TENM3: variants seen among roughly 807,000 people sequenced by gnomAD.
TENM3 encodes teneurin transmembrane protein 3, also known as teneurin-3.
Under a neutral mutation model 255.1 loss-of-function variants are expected in TENM3, and 63 were observed. The observed-to-expected ratio is 0.25, with a 90% CI of 0.20 to 0.30. The LOEUF (loss-of-function observed/expected upper bound fraction) is 0.30. TENM3 is among the 10% of genes least tolerant of loss of function. The pLI is 1.00. For synonymous variants in TENM3, 1,306 were observed against 1,322.3 expected (o/e 0.99, Z 0.27); for missense variants, 2,929 against 3,461.1 (o/e 0.85, Z 3.86).
chr4:182,640,583 T>G (rs1752217489), intron 5 of TENM3, among the ~76,000 whole-genome samples: 1 of 152,222 alleles, frequency 6.6e-6, no homozygotes, highest in Admixed American at 6.5e-5. Flanking sequence ...TCAAATACAT[T>G]CTTCATGATC....
At chr4:181,564,639 C>A in the TENM3 span, among the ~76,000 whole-genome samples, 3 of 152,114 alleles carry the variant, frequency 2.0e-5, no homozygotes, top group Non-Finnish European at 4.4e-5. Flanking sequence ...ATCCTCCTTC[C>A]TCCTCCCCCA....
the TENM3 span, among the ~76,000 whole-genome samples, chr4:181,782,630 CTCTGA>C: frequency 6.6e-6 from 1 of 152,024 alleles, no homozygotes; most frequent in Non-Finnish European, 1.5e-5. Flanking sequence ...TTCAGTTCTT[CTCTGA>C]TCTTAGTTAT....
At chr4:182,079,333 G>A in the TENM3 span, among the ~76,000 whole-genome samples, 14 of 152,154 alleles carry the variant, frequency 9.2e-5, no homozygotes, top group South Asian at 2.7e-3. Flanking sequence ...TGGCTAACAC[G>A]GTGAAACCCT....
the TENM3 span, among the ~76,000 whole-genome samples, chr4:181,810,476 T>C: frequency 6.6e-6 from 1 of 151,932 alleles, no homozygotes; most frequent in East Asian, 1.9e-4. Flanking sequence ...GAATTTCTGC[T>C]TGGGGGGTAG....
At chr4:181,629,313 T>C in the TENM3 span, among the ~76,000 whole-genome samples, 2 of 152,310 alleles carry the variant, frequency 1.3e-5, no homozygotes, top group Non-Finnish European at 2.9e-5. Flanking sequence ...CTTTTCCTAA[T>C]TGAATACCCT....
intron 3 of TENM3, among the ~76,000 whole-genome samples, chr4:182,379,001 G>A (rs1767383358): frequency 1.3e-5 from 2 of 152,138 alleles, no homozygotes; most frequent in Non-Finnish European, 2.9e-5. Flanking sequence ...ACAGGCATTG[G>A]GTAGTTCTAA....
the TENM3 span, among the ~76,000 whole-genome samples, chr4:181,727,010 C>T: frequency 3.3e-5 from 5 of 152,224 alleles, no homozygotes; most frequent in East Asian, 1.9e-4. Context: ...GAGAGGTATG[C>T]GGGGAGGGAC....
At position 182,244,109 on chromosome 4, in the gene TENM3, A is replaced by G. The variant is rs868292740; in HGVS notation, c.-76+633A>G. On this transcript the variant is annotated intron_variant, in intron 1 of 27. Coordinates refer to ENST00000511685, the MANE Select transcript of TENM3 (RefSeq NM_001080477.4). ...GCTGGGACTACAGGCGCCCGCCACC[A>G]CGCCCGGCTAATTTTTTGTATTTTT... is the stretch of plus-strand genomic sequence containing the variant. Among the ~76,000 whole-genome samples the G allele has an allele frequency of 6.6e-5, 10 of 150,726 alleles. No individual in the cohort carries two copies. In the East Asian group the frequency reaches 9.8e-4, roughly 15 times the overall value.
chr4:181,456,093 ATATG>A, the TENM3 span, among the ~76,000 whole-genome samples: 23 of 85,030 alleles, frequency 2.7e-4, no homozygotes, highest in African/African-American at 1.1e-3. Context: ...CTTGGTAAAT[ATATG>A]TGTGTGTGTG....
the TENM3 span, among the ~76,000 whole-genome samples, chr4:181,479,476 CT>C: frequency 2.6e-5 from 4 of 152,176 alleles, no homozygotes; most frequent in African/African-American, 9.7e-5. Flanking sequence ...GTTAAAATCA[CT>C]TTATTAAAAT....
the TENM3 span, among the ~76,000 whole-genome samples, chr4:181,855,030 G>C: frequency 6.6e-6 from 1 of 152,098 alleles, no homozygotes; most frequent in Non-Finnish European, 1.5e-5. Context: ...ATAGACAAGC[G>C]AATATGGAGA....
chr4:182,096,129 CAA>C, the TENM3 span, among the ~76,000 whole-genome samples: 23 of 130,548 alleles, frequency 1.8e-4, no homozygotes, highest in Non-Finnish European at 1.8e-4. Context: ...GACCCTGTCT[CAA>C]AAAAAAAAAA....
the TENM3 span, among the ~76,000 whole-genome samples, chr4:181,692,022 A>G: frequency 6.6e-6 from 1 of 152,202 alleles, no homozygotes; most frequent in Non-Finnish European, 1.5e-5. Context: ...TAATTCTGAC[A>G]AAGCGTCATA....
At chr4:182,515,691 T>C (rs1350981712) in intron 3 of TENM3, among the ~76,000 whole-genome samples, 1 of 152,208 alleles carries the variant, frequency 6.6e-6, no homozygotes, top group Non-Finnish European at 1.5e-5. Flanking sequence ...AGGAGACTTC[T>C]GTAATACATA....
chr4:181,998,411 C>T, the TENM3 span, among the ~76,000 whole-genome samples: 13 of 152,278 alleles, frequency 8.5e-5, no homozygotes, highest in East Asian at 2.5e-3. Context: ...TCTCCTGTAC[C>T]TAAACCCGTC....
At chr4:182,777,295 G>C (rs910665623) in intron 24 of TENM3, among the ~76,000 whole-genome samples, 4 of 151,994 alleles carry the variant, frequency 2.6e-5, no homozygotes, top group Non-Finnish European at 5.9e-5. Context: ...GTCACATGGT[G>C]GACACTCAAA....
chr4:182,731,992 A>G (rs1457021735), intron 16 of TENM3, among the ~76,000 whole-genome samples: 3 of 152,050 alleles, frequency 2.0e-5, no homozygotes, highest in Non-Finnish European at 4.4e-5. Flanking sequence ...CATGTTGGCC[A>G]GGATGGTCTC....
chr4:181,960,294 T>C, the TENM3 span, among the ~76,000 whole-genome samples: 1 of 152,232 alleles, frequency 6.6e-6, no homozygotes, highest in African/African-American at 2.4e-5. Flanking sequence ...CTTATACTAA[T>C]GTAATGGATT....
intron 3 of TENM3, among the ~76,000 whole-genome samples, chr4:182,481,108 G>A (rs1734154040): frequency 6.7e-6 from 1 of 150,118 alleles, no homozygotes; most frequent in Non-Finnish European, 1.5e-5. Flanking sequence ...TTGAGAATTT[G>A]TAACACAGAC....
Sources: allele counts gnomAD v4.1 joint callset (sites outside exome capture counted in the v4.1 genomes callset), GRCh38; gene constraint gnomAD v4.1.1; transcripts MANE v1.5; gene names NCBI Gene and HGNC (gene_info 2026-07-23, HGNC 2026-07-21).